Variants in NRXN3 observed in about 807,000 individuals in gnomAD.
The protein encoded by NRXN3 is neurexin III.
In NRXN3, 32 loss-of-function variants were observed where a neutral mutation model predicts 137.6. The ratio of observed to expected loss-of-function variants is 0.23; its 90% confidence interval spans 0.18 to 0.31. The LOEUF is 0.31. NRXN3 is among the 10% of genes least tolerant of loss of function. The probability of loss-of-function intolerance (pLI) is 1.00; values close to 1 mark genes in which losing one functional copy is unlikely to be tolerated. For missense variants in NRXN3, 1,574 were observed against 2,062.5 expected (o/e 0.76, Z 4.59); for synonymous variants, 798 against 784.5 (o/e 1.02, Z -0.29).
intron 4 of NRXN3, among the ~76,000 whole-genome samples, chr14:78,353,445 T>C (rs1477188642): frequency 6.6e-6 from 1 of 152,092 alleles, no homozygotes; most frequent in Admixed American, 6.5e-5. Context: ...TGTCCTCACA[T>C]GGTGGAAGGG....
At chr14:78,788,021 T>G (rs903203918) in intron 8 of NRXN3, among the ~76,000 whole-genome samples, 1 of 152,218 alleles carries the variant, frequency 6.6e-6, no homozygotes, top group Non-Finnish European at 1.5e-5. Context: ...CAGTTTGAAT[T>G]GCAGAGCCCT....
intron 16 of NRXN3, among the ~76,000 whole-genome samples, chr14:79,625,190 T>G (rs1397046800): frequency 6.6e-6 from 1 of 152,206 alleles, no homozygotes; most frequent in Non-Finnish European, 1.5e-5. Flanking sequence ...AAGATCTCCT[T>G]CTTTTTAAGA....
chr14:78,280,309 TTGTATATGCATGTTA>T (rs2074225385), intron 3 of NRXN3, among the ~76,000 whole-genome samples: 1 of 152,200 alleles, frequency 6.6e-6, no homozygotes, highest in Non-Finnish European at 1.5e-5. Flanking sequence ...TATGCATGTT[TTGTATATGCATGTTA>T]TGTATATATT....
chr14:79,652,664 T>G (rs1287397999), intron 16 of NRXN3, among the ~76,000 whole-genome samples: 3 of 152,228 alleles, frequency 2.0e-5, no homozygotes, highest in African/African-American at 7.2e-5. Context: ...TCAAAAGGTA[T>G]GAGTCAGCTC....
rs142960081 is a variant in NRXN3 at position 79,723,320 on chromosome 14, A to T, written c.4014+25383A>T. Among the ~76,000 whole-genome samples, 860 of 152,186 alleles carry T rather than the reference A, an allele frequency of 5.7e-3. 6 individuals carry two copies. The highest frequency in any genetic ancestry group is 0.019 in the African/African-American group (806 of 41,514). On this transcript the variant is annotated intron_variant, in intron 19 of 20. Coordinates refer to ENST00000335750, the MANE Select transcript of NRXN3 (RefSeq NM_001330195.2). ...AGGAAAAGGGGATCCATAGACACAAAACAAACTTTTCCTTTTACACACTCC... is the reference window on the plus strand; with the variant it reads ...AGGAAAAGGGGATCCATAGACACAATACAAACTTTTCCTTTTACACACTCC...
intron 20 of NRXN3, among the ~76,000 whole-genome samples, chr14:79,811,603 A>C (rs1466511710): frequency 9.6e-6 from 1 of 104,704 alleles, no homozygotes; most frequent in African/African-American, 3.8e-5. Flanking sequence ...TTTTTTTGAG[A>C]TGGAGTGTCA....
intron 4 of NRXN3, chr14:78,300,710 T>A: frequency 6.7e-7 from 1 of 1,497,912 alleles, no homozygotes; most frequent in Non-Finnish European, 9.0e-7. Flanking sequence ...CACTTTATTT[T>A]TATCATTATA....
chr14:79,595,714 C>T (rs1213136299), intron 16 of NRXN3, among the ~76,000 whole-genome samples: 2 of 151,980 alleles, frequency 1.3e-5, no homozygotes, highest in East Asian at 1.9e-4. Context: ...TTTTTATATA[C>T]ATTAGATGTT....
At chr14:79,123,776 T>C (rs2055898640) in intron 15 of NRXN3, among the ~76,000 whole-genome samples, 1 of 152,150 alleles carries the variant, frequency 6.6e-6, no homozygotes, top group South Asian at 2.1e-4. Context: ...ACGCTTAAAG[T>C]GGGAGTACTG....
At chr14:79,675,961 T>C (rs2098638586) in intron 17 of NRXN3, among the ~76,000 whole-genome samples, 1 of 152,142 alleles carries the variant, frequency 6.6e-6, no homozygotes, top group South Asian at 2.1e-4. Flanking sequence ...CCCTAGCCTA[T>C]TTCTCATAGC....
At chr14:79,769,742 C>T (rs1177848440) in intron 19 of NRXN3, among the ~76,000 whole-genome samples, 2 of 151,790 alleles carry the variant, frequency 1.3e-5, no homozygotes, top group Non-Finnish European at 2.9e-5. Flanking sequence ...CAGCTAACAT[C>T]ATAACGACAG....
Position 79,441,366 on chromosome 14 carries a change from C to CTTTTTTTTTTT in NRXN3, c.3263-25834_3263-25824dup, listed in dbSNP as rs869170695. ...GAATATCCCTGGACAAACAGAAAAT[C>CTTTTTTTTTTT]TTTTTTTTTTTTTTTTTTTTTTTTT... On this transcript the variant is annotated intron_variant, in intron 15 of 20. Transcript: ENST00000335750. Among the ~76,000 whole-genome samples, 24 of 67,254 alleles carry CTTTTTTTTTTT rather than the reference C, an allele frequency of 3.6e-4. 5 individuals are homozygous for CTTTTTTTTTTT. In the East Asian group the frequency reaches 9.3e-3, roughly 26 times the overall value. The allele number at this position is 67,254 out of a possible 152,430, so 44.1% of individuals were successfully genotyped here.
At chr14:78,776,417 T>C (rs1329565858) in intron 8 of NRXN3, among the ~76,000 whole-genome samples, 3 of 152,174 alleles carry the variant, frequency 2.0e-5, no homozygotes, top group East Asian at 3.9e-4. Context: ...CGTAATTTTG[T>C]ATAAACCCGA....
At chr14:79,051,732 T>A (rs1301906788) in intron 15 of NRXN3, among the ~76,000 whole-genome samples, 1 of 152,200 alleles carries the variant, frequency 6.6e-6, no homozygotes, top group Non-Finnish European at 1.5e-5. Flanking sequence ...TTTAAACTAG[T>A]AATTCTCAAG....
At chr14:79,108,203 C>G (rs2052811103) in intron 15 of NRXN3, among the ~76,000 whole-genome samples, 1 of 152,116 alleles carries the variant, frequency 6.6e-6, no homozygotes, top group Admixed American at 6.5e-5. Flanking sequence ...TAAGGTAGCC[C>G]TGTATTTTCA....
chr14:79,188,341 G>C (rs2063785039), intron 15 of NRXN3, among the ~76,000 whole-genome samples: 1 of 151,012 alleles, frequency 6.6e-6, no homozygotes, highest in African/African-American at 2.4e-5. Context: ...GGAAAAAATA[G>C]GCAATTTTCA....
At chr14:79,401,820 G>C (rs533904677) in intron 15 of NRXN3, among the ~76,000 whole-genome samples, 1 of 149,640 alleles carries the variant, frequency 6.7e-6, no homozygotes, top group African/African-American at 2.5e-5. Flanking sequence ...GAATAAGTAC[G>C]TGTAAACTGA....
chr14:79,707,309 G>A (rs1013732347), intron 19 of NRXN3, among the ~76,000 whole-genome samples: 3 of 152,104 alleles, frequency 2.0e-5, no homozygotes, highest in Admixed American at 6.5e-5. Flanking sequence ...AGGCAGTGGG[G>A]GCCAATATAA....
intron 8 of NRXN3, among the ~76,000 whole-genome samples, chr14:78,789,662 C>T (rs548561337): frequency 3.9e-5 from 6 of 152,160 alleles, no homozygotes; most frequent in African/African-American, 1.4e-4. Flanking sequence ...TACCTTTGCA[C>T]CCGCCTAATA....
Sources: allele counts gnomAD v4.1 joint callset (sites outside exome capture counted in the v4.1 genomes callset), GRCh38; gene constraint gnomAD v4.1.1; transcripts MANE v1.5; gene names NCBI Gene and HGNC (gene_info 2026-07-23, HGNC 2026-07-21).